PLEKHA1: variants seen among roughly 807,000 people sequenced by gnomAD.
The protein encoded by PLEKHA1 is pleckstrin homology domain containing A1.
PLEKHA1 carries 34 observed loss-of-function variants against 52.0 expected under a neutral mutation model. That is an observed-to-expected ratio of 0.65 (90% CI 0.50 to 0.87). PLEKHA1 has a LOEUF of 0.87. PLEKHA1 is among the 40% of genes least tolerant of loss of function. PLEKHA1 has a pLI of 0.00. For synonymous variants in PLEKHA1, 163 were observed against 170.7 expected (o/e 0.95, Z 0.35); for missense variants, 497 against 504.2 (o/e 0.99, Z 0.14).
the PLEKHA1 span, chr10:122,438,401 G>A: frequency 6.6e-6 from 1 of 152,312 alleles, no homozygotes. Flanking sequence ...TGGAAGCTAG[G>A]GCACAAGTTG....
Position 122,399,762 on chromosome 10 carries a change from T to TG in PLEKHA1, c.199-581_199-580insG, listed in dbSNP as rs558429570. Among the ~76,000 whole-genome samples, 333 of 152,128 alleles carry TG rather than the reference T, an allele frequency of 2.2e-3. 3 individuals are homozygous for TG. Among genetic ancestry groups the TG allele is most frequent in the Middle Eastern group, 0.014 (4 of 294 alleles). On this transcript the variant is annotated intron_variant, in intron 3 of 11. Coordinates refer to ENST00000368990, the MANE Select transcript of PLEKHA1 (RefSeq NM_001001974.4). ...CATGCCCAGCTAATTTTTTTTTGTA[T>TG]TTTTAGTAGAGACGGGGTTTCACCG...
At chr10:122,384,341 G>C (rs2096657581) in intron 1 of PLEKHA1, among the ~76,000 whole-genome samples, 1 of 152,180 alleles carries the variant, frequency 6.6e-6, no homozygotes. Context: ...GGGCGCGGTG[G>C]CTCACGCCTG....
intron 2 of PLEKHA1, among the ~76,000 whole-genome samples, chr10:122,397,656 T>C (rs2096869704): frequency 6.6e-6 from 1 of 152,078 alleles, no homozygotes; most frequent in African/African-American, 2.4e-5. Context: ...CATGAGAAAG[T>C]ATTAGTTTAG....
intron 1 of PLEKHA1, among the ~76,000 whole-genome samples, chr10:122,385,674 A>G (rs1168096515): frequency 2.0e-5 from 3 of 152,106 alleles, no homozygotes; most frequent in Non-Finnish European, 4.4e-5. Flanking sequence ...ATGTTGTTGC[A>G]TCTGTCAGTA....
intron 1 of PLEKHA1, among the ~76,000 whole-genome samples, chr10:122,380,867 C>G (rs1409059553): frequency 6.6e-6 from 1 of 152,060 alleles, no homozygotes; most frequent in Non-Finnish European, 1.5e-5. Context: ...AGGTTGACAT[C>G]TATTGCACTG....
intron 8 of PLEKHA1, chr10:122,418,196 T>G (rs2097206003): frequency 2.4e-6 from 1 of 408,734 alleles, no homozygotes; most frequent in Non-Finnish European, 4.4e-6. Flanking sequence ...TTGAAAGATC[T>G]GAAGATCTCA....
intron 4 of PLEKHA1, among the ~76,000 whole-genome samples, chr10:122,402,583 C>A (rs923955348): frequency 2.0e-5 from 3 of 152,182 alleles, no homozygotes; most frequent in Non-Finnish European, 2.9e-5. Context: ...CCCACCCCAA[C>A]TCTAGATAGG....
chr10:122,407,508 G>C (rs2097036959), intron 5 of PLEKHA1, among the ~76,000 whole-genome samples: 1 of 152,174 alleles, frequency 6.6e-6, no homozygotes, highest in Non-Finnish European at 1.5e-5. Context: ...CCCGAACTCT[G>C]AAGTGCAGTG....
In PLEKHA1 at chr10:122,431,585, T is replaced by C. The variant is rs2097417543; in HGVS notation, c.*1647T>C. On this transcript the variant is annotated 3_prime_UTR_variant, in exon 12 of 12. Coordinates refer to ENST00000368990, the MANE Select transcript of PLEKHA1 (RefSeq NM_001001974.4). ...CGTTTTCATTTTCTTAGATGACTTC[T>C]TGTCTGAGACAGAAAAATTTCCTAC... is the stretch of plus-strand genomic sequence containing the variant. 6.5e-6 allele frequency: 1 copy of C among 152,678 alleles called. No individual in the cohort carries two copies. The highest frequency in any genetic ancestry group is 1.5e-5 in the Non-Finnish European group (1 of 68,048). The allele number at this position is 152,678 out of a possible 1,614,324, so 9.5% of individuals were successfully genotyped here. A position where few individuals can be genotyped will look rare whatever the true frequency, so the allele number is the denominator to read the frequency against.
Position 122,377,750 on chromosome 10 carries a change from A to G in PLEKHA1, c.-21+2944A>G, listed in dbSNP as rs148106312. On this transcript the variant is annotated intron_variant, in intron 1 of 11. Coordinates refer to ENST00000368990, the MANE Select transcript of PLEKHA1 (RefSeq NM_001001974.4). ...ACTTTTTTTCTTGTGGGTACTGTCTAATAAGGGATATGTGAGTTTGTGATT... is the reference window on the plus strand; with the variant it reads ...ACTTTTTTTCTTGTGGGTACTGTCTGATAAGGGATATGTGAGTTTGTGATT... 5.8e-3 allele frequency among the ~76,000 whole-genome samples: 884 copies of G among 152,266 alleles called. 5 individuals carry two copies. Among genetic ancestry groups the G allele is most frequent in the Admixed American group, 7.7e-3 (118 of 15,300 alleles).
intron 1 of PLEKHA1, among the ~76,000 whole-genome samples, chr10:122,392,078 A>G (rs2096783913): frequency 6.6e-6 from 1 of 152,198 alleles, no homozygotes; most frequent in Non-Finnish European, 1.5e-5. Flanking sequence ...TGGGCTAAGC[A>G]TCACATCAAG....
At chr10:122,436,957 G>T (rs76568359), downstream of PLEKHA1, 7,738 of 147,262 alleles carry the variant, frequency 0.053, 252 homozygotes, top group East Asian at 0.14. Context: ...AGGAGGGGCT[G>T]TGGAGAACTT....
At chr10:122,383,048 T>C (rs1188392467) in intron 1 of PLEKHA1, among the ~76,000 whole-genome samples, 2 of 152,214 alleles carry the variant, frequency 1.3e-5, no homozygotes, top group Admixed American at 6.5e-5. Flanking sequence ...GTTGTCAAAC[T>C]TTTGAATTTT....
the PLEKHA1 span, chr10:122,438,826 G>A: frequency 6.6e-6 from 1 of 152,010 alleles, no homozygotes; most frequent in African/African-American, 2.4e-5. Context: ...ATTGTCTTGG[G>A]TCATACATGA....
chr10:122,392,504 A>G (rs1343858595), intron 1 of PLEKHA1: 1 of 152,134 alleles, frequency 6.6e-6, no homozygotes, highest in Non-Finnish European at 1.5e-5. Context: ...CAGTACATTA[A>G]CTAGTTTATT....
downstream of PLEKHA1, chr10:122,434,648 A>G (rs2097431709): frequency 1.3e-5 from 2 of 150,688 alleles, no homozygotes; most frequent in Non-Finnish European, 1.5e-5. Context: ...TACATGTGCC[A>G]TGCTGGTGTG....
chr10:122,440,191 T>TA, the PLEKHA1 span: 1 of 152,216 alleles, frequency 6.6e-6, no homozygotes, highest in Non-Finnish European at 1.5e-5. Context: ...TAGGAGTCTT[T>TA]AAAAAATTAT....
chr10:122,428,293 G>C, intron 11 of PLEKHA1: 1 of 1,543,456 alleles, frequency 6.5e-7, no homozygotes, highest in South Asian at 1.2e-5. Flanking sequence ...AGGCCAGAAG[G>C]CTGTCGAACC....
At chr10:122,397,538 A>G (rs1054818169) in intron 2 of PLEKHA1, among the ~76,000 whole-genome samples, 3 of 152,148 alleles carry the variant, frequency 2.0e-5, no homozygotes, top group Non-Finnish European at 2.9e-5. Context: ...ACAAAGTAAT[A>G]TGTATAGTCT....
Sources: allele counts gnomAD v4.1 joint callset (sites outside exome capture counted in the v4.1 genomes callset), GRCh38; gene constraint gnomAD v4.1.1; transcripts MANE v1.5; gene names NCBI Gene and HGNC (gene_info 2026-07-23, HGNC 2026-07-21).